Variants in CAPZB observed in about 807,000 individuals in gnomAD.
CAPZB encodes F-actin-capping protein subunit beta.
A neutral mutation model predicts 38.1 loss-of-function variants in CAPZB; 2 were observed. The observed-to-expected ratio is 0.05, with a 90% confidence interval of 0.02 to 0.17. The LOEUF (loss-of-function observed/expected upper bound fraction) is 0.17. CAPZB is among the 10% of genes least tolerant of loss of function. CAPZB has a pLI of 1.00. For missense variants in CAPZB, 161 were observed against 334.2 expected (o/e 0.48, Z 4.04); for synonymous variants, 107 against 127.4 (o/e 0.84, Z 1.08).
intron 1 of CAPZB, among the ~76,000 whole-genome samples, chr1:19,466,689 A>T (rs1406259144): frequency 1.3e-5 from 2 of 152,210 alleles, no homozygotes; most frequent in Non-Finnish European, 2.9e-5. Context: ...CTCCTGGTAC[A>T]GTGCTCTTTT....
chr1:19,408,148 A>C (rs1449363443), intron 2 of CAPZB, among the ~76,000 whole-genome samples: 1 of 152,220 alleles, frequency 6.6e-6, no homozygotes, highest in East Asian at 1.9e-4. Flanking sequence ...GTGGGAGCCA[A>C]GGCTGGGACT....
intron 1 of CAPZB, among the ~76,000 whole-genome samples, chr1:19,479,128 T>C (rs768385078): frequency 3.9e-5 from 6 of 152,182 alleles, no homozygotes; most frequent in Admixed American, 1.3e-4. Context: ...GAGAATTCCC[T>C]GAGTCTAGGA....
At chr1:19,474,275 G>A (rs1016491691) in intron 1 of CAPZB, among the ~76,000 whole-genome samples, 3 of 152,164 alleles carry the variant, frequency 2.0e-5, no homozygotes, top group African/African-American at 7.2e-5. Flanking sequence ...GATTACAGGT[G>A]TGAACTACCT....
intron 2 of CAPZB, among the ~76,000 whole-genome samples, chr1:19,396,550 G>A (rs1002563116): frequency 2.0e-5 from 3 of 152,128 alleles, no homozygotes; most frequent in East Asian, 3.9e-4. Flanking sequence ...AGCCAGACCC[G>A]CAGCCTTCCC....
chr1:19,450,694 G>A (rs191037125), intron 1 of CAPZB, among the ~76,000 whole-genome samples: 16 of 152,274 alleles, frequency 1.1e-4, no homozygotes, highest in Admixed American at 1.0e-3. Flanking sequence ...TGGGCACAAG[G>A]CCCCAGGGAA....
chr1:19,426,617 C>T (rs943965832), intron 1 of CAPZB, among the ~76,000 whole-genome samples: 23 of 152,162 alleles, frequency 1.5e-4, no homozygotes, highest in Admixed American at 8.5e-4. Flanking sequence ...CCCGAGGCCA[C>T]CCTGTGCAGA....
At chr1:19,423,061 C>G (rs935939615) in intron 1 of CAPZB, among the ~76,000 whole-genome samples, 3 of 149,842 alleles carry the variant, frequency 2.0e-5, no homozygotes, top group Non-Finnish European at 4.4e-5. Context: ...AGGGGCCGGA[C>G]AGTCCTCTGT....
intron 2 of CAPZB, among the ~76,000 whole-genome samples, chr1:19,394,949 T>TCCCACAGCTC (rs2094258186): frequency 6.6e-6 from 1 of 152,204 alleles, no homozygotes; most frequent in Admixed American, 6.5e-5. Flanking sequence ...AGACAGCAGC[T>TCCCACAGCTC]CCCACAGCTC....
At chr1:19,367,895 G>C (rs2100370739) in intron 4 of CAPZB, among the ~76,000 whole-genome samples, 1 of 152,256 alleles carries the variant, frequency 6.6e-6, no homozygotes, top group South Asian at 2.1e-4. Context: ...CTGGTTTTGG[G>C]ATCTGGCCAA....
chr1:19,385,724 T>A, intron 2 of CAPZB, 98 bp from the exon 3 acceptor site: 2 of 1,457,540 alleles, frequency 1.4e-6, no homozygotes, highest in Non-Finnish European at 9.6e-7. Flanking sequence ...TCAGTACCTT[T>A]AACATCTGGC....
intron 4 of CAPZB, among the ~76,000 whole-genome samples, chr1:19,367,750 GCA>G (rs1362683239): frequency 9.9e-5 from 15 of 152,174 alleles, no homozygotes; most frequent in Admixed American, 3.9e-4. Context: ...CACTTAGAAG[GCA>G]CATCTGGACT....
chr1:19,393,116 A>G (rs2094246236), intron 2 of CAPZB, among the ~76,000 whole-genome samples: 1 of 152,228 alleles, frequency 6.6e-6, no homozygotes, highest in African/African-American at 2.4e-5. Flanking sequence ...GTTTGTCATT[A>G]GGAACACTGA....
At chr1:19,430,023 C>T (rs575967835) in intron 1 of CAPZB, among the ~76,000 whole-genome samples, 1 of 152,266 alleles carries the variant, frequency 6.6e-6, no homozygotes, top group South Asian at 2.1e-4. Flanking sequence ...CTTTCTGAAG[C>T]CCTCTGCTCC....
intron 1 of CAPZB, among the ~76,000 whole-genome samples, chr1:19,434,840 G>A (rs1006245921): frequency 1.6e-4 from 24 of 152,202 alleles, no homozygotes; most frequent in African/African-American, 5.8e-4. Context: ...GACAGATTGA[G>A]CCTGGGAGGT....
intron 6 of CAPZB, among the ~76,000 whole-genome samples, chr1:19,353,598 C>A (rs2094003759): frequency 6.6e-6 from 1 of 152,146 alleles, no homozygotes; most frequent in African/African-American, 2.4e-5. Context: ...CCCTTGTCAT[C>A]TCTCTCCTTG....
chr1:19,428,842 C>T (rs1429883123), intron 1 of CAPZB, among the ~76,000 whole-genome samples: 1 of 152,112 alleles, frequency 6.6e-6, no homozygotes, highest in Non-Finnish European at 1.5e-5. Flanking sequence ...CCTCAAGGAG[C>T]TGTGACCTAA....
At chr1:19,373,286 A>C (rs2094128262) in intron 4 of CAPZB, among the ~76,000 whole-genome samples, 1 of 152,162 alleles carries the variant, frequency 6.6e-6, no homozygotes, top group African/African-American at 2.4e-5. Context: ...CACGCTCCCA[A>C]CTGCTAGCCC....
chr1:19,410,961 A>G (rs1256770578), intron 2 of CAPZB, among the ~76,000 whole-genome samples: 1 of 152,166 alleles, frequency 6.6e-6, no homozygotes, highest in Non-Finnish European at 1.5e-5. Context: ...CAGAATGGCT[A>G]TGAAGACAGA....
chr1:19,469,104 G>A (rs899477694), intron 1 of CAPZB, among the ~76,000 whole-genome samples: 2 of 152,196 alleles, frequency 1.3e-5, no homozygotes, highest in Non-Finnish European at 2.9e-5. Context: ...TGAATGGACA[G>A]GGAGACGGGT....
Sources: allele counts gnomAD v4.1 joint callset (sites outside exome capture counted in the v4.1 genomes callset), GRCh38; gene constraint gnomAD v4.1.1; transcripts MANE v1.5; gene names NCBI Gene and HGNC (gene_info 2026-07-23, HGNC 2026-07-21).